The following KCNMA1 variants were observed in gnomAD, a reference collection of about 807,000 sequenced individuals.
KCNMA1 encodes Calcium-activated potassium channel subunit alpha-1.
A neutral mutation model predicts 140.0 loss-of-function variants in KCNMA1; 29 were observed. The ratio of observed to expected loss-of-function variants is 0.21; its 90% CI spans 0.15 to 0.28. The LOEUF is 0.28. KCNMA1 is among the 10% of genes least tolerant of loss of function. The pLI is 1.00. For missense variants in KCNMA1, 880 were observed against 1,602.2 expected (o/e 0.55, Z 7.70); for synonymous variants, 612 against 611.9 (o/e 1.00, Z 0.00).
intron 5 of KCNMA1, among the ~76,000 whole-genome samples, chr10:77,147,243 A>G (rs1016159498): frequency 6.6e-6 from 1 of 152,204 alleles, no homozygotes; most frequent in Non-Finnish European, 1.5e-5. Context: ...GTTTGAATTA[A>G]GTGTCTGCAG....
intron 1 of KCNMA1, among the ~76,000 whole-genome samples, chr10:77,515,949 C>T (rs2050248130): frequency 1.3e-5 from 2 of 152,198 alleles, no homozygotes; most frequent in South Asian, 4.1e-4. Context: ...GGTTCTCTTC[C>T]ATCCCTGTTA....
chr10:77,532,151 G>T (rs1046043681), intron 1 of KCNMA1, among the ~76,000 whole-genome samples: 1 of 152,236 alleles, frequency 6.6e-6, no homozygotes, highest in Non-Finnish European at 1.5e-5. Flanking sequence ...CAACTGGGGG[G>T]AAAATGCACT....
intron 2 of KCNMA1, among the ~76,000 whole-genome samples, chr10:77,401,475 C>T (rs1422220027): frequency 6.6e-6 from 1 of 152,148 alleles, no homozygotes; most frequent in Non-Finnish European, 1.5e-5. Context: ...TTAGCATGGC[C>T]TTTAAAGCCC....
intron 1 of KCNMA1, among the ~76,000 whole-genome samples, chr10:77,528,803 A>G (rs917204705): frequency 4.6e-5 from 7 of 152,120 alleles, no homozygotes; most frequent in African/African-American, 1.7e-4. Flanking sequence ...ACACAGGTGA[A>G]CCTCAAGAAC....
chr10:77,411,343 A>T (rs534763098), intron 1 of KCNMA1, among the ~76,000 whole-genome samples: 1 of 152,202 alleles, frequency 6.6e-6, no homozygotes, highest in Non-Finnish European at 1.5e-5. Context: ...CAGCAAATGG[A>T]AAGTCAGTTC....
chr10:77,538,477 C>T (rs924706045), intron 1 of KCNMA1, among the ~76,000 whole-genome samples: 1 of 152,134 alleles, frequency 6.6e-6, no homozygotes, highest in Non-Finnish European at 1.5e-5. Context: ...GCCATCATTA[C>T]CCCCAGCTGG....
At chr10:77,408,552 G>T (rs760642221) in intron 1 of KCNMA1, among the ~76,000 whole-genome samples, 28 of 152,230 alleles carry the variant, frequency 1.8e-4, no homozygotes, top group Non-Finnish European at 3.8e-4. Flanking sequence ...ACACATGCGT[G>T]TGTGTGTCTG....
intron 5 of KCNMA1, among the ~76,000 whole-genome samples, chr10:77,149,224 AG>A (rs1045975982): frequency 2.0e-5 from 3 of 152,180 alleles, no homozygotes; most frequent in Admixed American, 1.3e-4. Flanking sequence ...ATTTAACCTA[AG>A]GGGAGAAGAG....
At chr10:76,921,392 C>T (rs963017283) in intron 23 of KCNMA1, among the ~76,000 whole-genome samples, 2 of 152,002 alleles carry the variant, frequency 1.3e-5, no homozygotes, top group African/African-American at 4.8e-5. Context: ...GGAAAAAAAC[C>T]TCAAAGGCAA....
chr10:77,361,608 G>C (rs1233175668), intron 2 of KCNMA1, among the ~76,000 whole-genome samples: 1 of 152,238 alleles, frequency 6.6e-6, no homozygotes, highest in Non-Finnish European at 1.5e-5. Flanking sequence ...TAATTGCTCT[G>C]ACACCTCCCA....
Position 76,887,152 on chromosome 10 carries a change from TA to T in KCNMA1, c.*113del, listed in dbSNP as rs144100057. On this transcript the variant is annotated 3_prime_UTR_variant, in exon 28 of 28. Transcript: ENST00000286628. ...ACTATCATACATATGCAAATATGTG[TA>T]AAAAAAAAGGGGGGGACTACAGGGG... 1,608 of 1,583,266 alleles carry T rather than the reference TA, an allele frequency of 1.0e-3. 4 individuals are homozygous for T. The highest frequency in any genetic ancestry group is 3.4e-3 in the African/African-American group (249 of 73,796).
chr10:76,910,244 A>AG (rs1446695794), intron 24 of KCNMA1, 148 bp from the exon 25 acceptor site: 3 of 835,118 alleles, frequency 3.6e-6, no homozygotes, highest in African/African-American at 1.7e-5. Flanking sequence ...TCTTTGGGTA[A>AG]GGGGGGCAGT....
chr10:77,219,748 T>C (rs2048969359), intron 3 of KCNMA1, among the ~76,000 whole-genome samples: 1 of 152,122 alleles, frequency 6.6e-6, no homozygotes, highest in Non-Finnish European at 1.5e-5. Flanking sequence ...GCCTCCCAAG[T>C]AGCTGGGACT....
In KCNMA1 at chr10:77,443,833, G is replaced by A. The variant is rs997680236; in HGVS notation, c.379-39810C>T. Among the ~76,000 whole-genome samples, 4 of 152,142 alleles carry A rather than the reference G, an allele frequency of 2.6e-5. No individual in the cohort carries two copies. In the South Asian group the frequency reaches 8.3e-4, roughly 31 times the overall value. ...ATAAAAATATCTTCTGCAGAAATAA[G>A]ACCTAGAGTTTGATAGATCAGTAGG... On this transcript the variant is annotated intron_variant, in intron 1 of 27. Transcript: ENST00000286628.
chr10:77,575,434 A>G (rs2073715944), intron 1 of KCNMA1, among the ~76,000 whole-genome samples: 1 of 152,168 alleles, frequency 6.6e-6, no homozygotes, highest in African/African-American at 2.4e-5. Flanking sequence ...ACCTGAGGCC[A>G]TGGCGGGCAT....
intron 3 of KCNMA1, among the ~76,000 whole-genome samples, chr10:77,198,964 G>A (rs1311869312): frequency 6.6e-6 from 1 of 152,142 alleles, no homozygotes; most frequent in Non-Finnish European, 1.5e-5. Flanking sequence ...GGTCCAGTGT[G>A]AATGAGCAGT....
chr10:77,285,857 T>C (rs1052554128), intron 2 of KCNMA1, among the ~76,000 whole-genome samples: 14 of 152,342 alleles, frequency 9.2e-5, no homozygotes, highest in African/African-American at 3.4e-4. Context: ...GCATACCTCA[T>C]GGGTTGTTCA....
intron 2 of KCNMA1, among the ~76,000 whole-genome samples, chr10:77,352,514 G>A (rs1371833669): frequency 6.6e-6 from 1 of 152,216 alleles, no homozygotes; most frequent in East Asian, 1.9e-4. Flanking sequence ...CTAATGCAAA[G>A]AGAAACTGAA....
rs140883163 is a variant in KCNMA1, at chr10:77,462,150, G to A, written c.379-58127C>T. 1.3e-3 allele frequency among the ~76,000 whole-genome samples: 197 copies of A among 150,984 alleles called. 1 individual carries two copies. Among genetic ancestry groups the A allele is most frequent in the Non-Finnish European group, 2.3e-3 (155 of 67,758 alleles). On this transcript the variant is annotated intron_variant, in intron 1 of 27. Coordinates refer to ENST00000286628, the MANE Select transcript of KCNMA1 (RefSeq NM_001161352.2). ...AACACATACATGCACACACATACAC[G>A]CATGCACACAATGAAACAGGCACAC...
Sources: allele counts gnomAD v4.1 joint callset (sites outside exome capture counted in the v4.1 genomes callset), GRCh38; gene constraint gnomAD v4.1.1; transcripts MANE v1.5; gene names NCBI Gene and HGNC (gene_info 2026-07-23, HGNC 2026-07-21).